WIPF1: variants seen among roughly 807,000 people sequenced by gnomAD.
WIPF1 encodes WAS/WASL-interacting protein family member 1.
Under a neutral mutation model 35.4 loss-of-function variants are expected in WIPF1, and 13 were observed. The ratio of observed to expected loss-of-function variants is 0.37; its 90% CI spans 0.24 to 0.58. The LOEUF (loss-of-function observed/expected upper bound fraction) is 0.58, where lower values mean the gene tolerates loss of function less well. WIPF1 is among the 20% of genes least tolerant of loss of function. The pLI is 0.74. For synonymous variants in WIPF1, 267 were observed against 266.3 expected (o/e 1.00, Z -0.02); for missense variants, 591 against 667.0 (o/e 0.89, Z 1.25).
intron 1 of WIPF1, among the ~76,000 whole-genome samples, chr2:174,592,304 C>T (rs539895856): frequency 1.3e-4 from 20 of 152,220 alleles, no homozygotes; most frequent in African/African-American, 4.1e-4. Flanking sequence ...GGCAGGGGTT[C>T]TATTAGAGAA....
At chr2:174,666,982 T>C (rs1687905919) in intron 1 of WIPF1, among the ~76,000 whole-genome samples, 1 of 152,256 alleles carries the variant, frequency 6.6e-6, no homozygotes, top group African/African-American at 2.4e-5. Context: ...GATTTGAGGC[T>C]GGAAGGGCCC....
At position 174,571,856 on chromosome 2, in the gene WIPF1, C is replaced by G. The variant is rs757556263; in HGVS notation, c.949G>C (p.Gly317Arg). The G allele has an allele frequency of 6.2e-7, 1 of 1,613,850 alleles. No homozygotes were observed. The highest frequency in any genetic ancestry group is 2.2e-5 in the East Asian group (1 of 44,868). Residue 317 changes from glycine (G) to arginine (R), a missense_variant, in exon 5 of 8, where the codon GGG becomes CGG. Physicochemically the swap from Gly to Arg is moderately radical, Grantham distance 125. Transcript: ENST00000679041. The surrounding 1 kb of genome is among the most constrained non-coding windows in gnomAD (Gnocchi z 4.6). ...GAACTTGGAGGCAGAGGAGGCGGCCCGGGCCTGCTGGGAGGTGGCGGCGGA... is the reference window on the plus strand; with the variant it reads ...GAACTTGGAGGCAGAGGAGGCGGCCGGGGCCTGCTGGGAGGTGGCGGCGGA... ...PPPPPPPSRP[G>R]PPPLPPSSSG...
At chr2:174,680,268 A>G (rs1688220178) in intron 1 of WIPF1, among the ~76,000 whole-genome samples, 1 of 152,168 alleles carries the variant, frequency 6.6e-6, no homozygotes, top group Admixed American at 6.5e-5. Flanking sequence ...GGGACCCACA[A>G]TACTCAATGA....
At chr2:174,666,757 G>A (rs1211249165) in intron 1 of WIPF1, among the ~76,000 whole-genome samples, 2 of 152,250 alleles carry the variant, frequency 1.3e-5, no homozygotes, top group Non-Finnish European at 2.9e-5. Context: ...GCTGGCTGAT[G>A]CTGACACAGA....
intron 1 of WIPF1, among the ~76,000 whole-genome samples, chr2:174,676,113 C>CT (rs1348254839): frequency 3.8e-4 from 54 of 141,768 alleles, no homozygotes; most frequent in East Asian, 4.1e-4. Flanking sequence ...CCATGCCTGG[C>CT]TTTTTTTTTT....
chr2:174,626,077 A>G (rs1250990776), intron 1 of WIPF1: 1 of 152,230 alleles, frequency 6.6e-6, no homozygotes, highest in Non-Finnish European at 1.5e-5. Flanking sequence ...AAACATAAAA[A>G]TTATAACCGT....
chr2:174,610,287 G>A lies in WIPF1; in HGVS notation c.-38-24676C>T, dbSNP rs184133410. 2.8e-3 allele frequency among the ~76,000 whole-genome samples: 424 copies of A among 152,276 alleles called. 1 individual carries two copies. The highest frequency in any genetic ancestry group is 4.7e-3 in the Non-Finnish European group (322 of 68,022). ...TGACCAGTTCCCCACCATTTTGTGT[G>A]GGTTTTATTTTCTTTCTGCTCCGTG... On this transcript the variant is annotated intron_variant, in intron 1 of 8. Transcript: ENST00000272746.
rs2105807462 is a variant in WIPF1, at chr2:174,572,198, AC to A, written c.606del (p.Ser203ProfsTer38). ...RPIQSSPHNR[G>X]SPPVPGGPRQ... ...CTGGGGCCTCCGGGCACTGGTGGGG[AC>A]CCCCGGTTGTGCGGACTTGATTGAA... is the stretch of plus-strand genomic sequence containing the variant. On this transcript the variant is annotated frameshift_variant, in exon 5 of 8. Transcript: ENST00000679041. LOFTEE classifies it high-confidence loss of function. 1 of 1,613,772 alleles carries A rather than the reference AC, an allele frequency of 6.2e-7. No homozygotes were observed. The highest frequency in any genetic ancestry group is 8.5e-7 in the Non-Finnish European group (1 of 1,179,914).
In WIPF1 at chr2:174,567,091, GT is replaced by G; in HGVS notation, c.1434del (p.Lys478AsnfsTer80). On this transcript the variant is annotated frameshift_variant, in exon 7 of 8. Transcript: ENST00000679041. LOFTEE classifies it high-confidence loss of function. ...YVQTTKSYPS[K>X]LARNESRSGS... ...TCACTCCGGCTTTCGTTTCTTGCCA[GT>G]TTGCTGGGATAACTTTTGGTCGTTT... 1 of 1,614,216 alleles carries G rather than the reference GT, an allele frequency of 6.2e-7. No homozygotes were observed. The highest frequency in any genetic ancestry group is 8.5e-7 in the Non-Finnish European group (1 of 1,180,046).
intron 1 of WIPF1, among the ~76,000 whole-genome samples, chr2:174,635,729 A>C (rs1687169288): frequency 6.6e-6 from 1 of 150,398 alleles, no homozygotes; most frequent in African/African-American, 2.5e-5. Context: ...TGGCATGATT[A>C]TTTTTAAAAA....
intron 1 of WIPF1, among the ~76,000 whole-genome samples, chr2:174,632,838 G>A (rs933968775): frequency 9.2e-5 from 14 of 151,622 alleles, no homozygotes; most frequent in African/African-American, 2.9e-4. Context: ...TTCTGAAACA[G>A]CAAGGCTGTA....
chr2:174,648,451 T>C (rs960909113), intron 1 of WIPF1, among the ~76,000 whole-genome samples: 1 of 152,216 alleles, frequency 6.6e-6, no homozygotes, highest in South Asian at 2.1e-4. Flanking sequence ...TACTGAAATA[T>C]GTCTCCTGAA....
intron 1 of WIPF1, among the ~76,000 whole-genome samples, chr2:174,649,207 T>C (rs1461871049): frequency 1.3e-5 from 2 of 152,188 alleles, no homozygotes; most frequent in South Asian, 2.1e-4. Context: ...GTATTTCAGA[T>C]GCTGAGCCCA....
chr2:174,585,657 A>G, intron 1 of WIPF1, 46 bp from the exon 2 acceptor site: 1 of 1,352,606 alleles, frequency 7.4e-7, no homozygotes, highest in Non-Finnish European at 1.0e-6. Context: ...AATCTTAGTA[A>G]TACTGTCCTA....
chr2:174,583,063 CT>C (rs1480874315), intron 2 of WIPF1, among the ~76,000 whole-genome samples: 3 of 152,152 alleles, frequency 2.0e-5, no homozygotes, highest in Non-Finnish European at 2.9e-5. Flanking sequence ...AGTCAAGAGC[CT>C]TCCCTACAAG....
chr2:174,619,024 A>C (rs1178279329), intron 1 of WIPF1, among the ~76,000 whole-genome samples: 1 of 152,056 alleles, frequency 6.6e-6, no homozygotes. Context: ...ACAGTGGTGG[A>C]ATCACTGCAA....
Position 174,559,908 on chromosome 2 carries a change from ATTTCT to A in WIPF1, c.*2634_*2638del, listed in dbSNP as rs1684441012. The A allele has an allele frequency of 6.6e-6, 1 of 152,614 alleles. No homozygotes were observed. The highest frequency in any genetic ancestry group is 2.4e-5 in the African/African-American group (1 of 41,460). 9.5% of individuals were successfully genotyped at this position (152,614 alleles called of 1,614,324 possible). A position where few individuals can be genotyped will look rare whatever the true frequency, so the allele number is the denominator to read the frequency against. ...ACTACTTAGACATAAAAAAAAGTTG[ATTTCT>A]TTTAAATCACAAAGTAAGGCACCAT... On this transcript the variant is annotated 3_prime_UTR_variant, in exon 8 of 8. Transcript: ENST00000679041.
At position 174,654,457 on chromosome 2, in the gene WIPF1, A is replaced by C. The variant is rs575615925; in HGVS notation, c.-39+28317T>G. Reference sequence around the variant, plus strand: ...CTGAAGGCCCCCTTTCTATTCATTAAAGCTTTCAGAAAAAAAGGCTTATTT... The same window carrying C: ...CTGAAGGCCCCCTTTCTATTCATTACAGCTTTCAGAAAAAAAGGCTTATTT... On this transcript the variant is annotated intron_variant, in intron 1 of 8. Transcript: ENST00000272746. 3.5e-4 allele frequency among the ~76,000 whole-genome samples: 54 copies of C among 152,252 alleles called. 1 individual carries two copies. The highest frequency in any genetic ancestry group is 8.3e-4 in the South Asian group (4 of 4,820).
intron 5 of WIPF1, chr2:174,568,747 C>T (rs904817608): frequency 1.3e-5 from 2 of 152,174 alleles, no homozygotes; most frequent in African/African-American, 4.8e-5. Flanking sequence ...CAAGCTGGTA[C>T]CCTATGGAAC....
Sources: allele counts gnomAD v4.1 joint callset (sites outside exome capture counted in the v4.1 genomes callset), GRCh38; gene constraint gnomAD v4.1.1; non-coding constraint Gnocchi (gnomAD v3.1); transcripts MANE v1.5; gene names NCBI Gene and HGNC (gene_info 2026-07-23, HGNC 2026-07-21).